The following ZNF385B variants were observed in gnomAD, a reference collection of about 807,000 sequenced individuals.
ZNF385B encodes zinc finger protein 385B.
A neutral mutation model predicts 39.2 loss-of-function variants in ZNF385B; 23 were observed. That is an observed-to-expected ratio of 0.59 (90% CI 0.42 to 0.83). The LOEUF is 0.83. Among genes scored for constraint, ZNF385B ranks in the 40% least tolerant of loss-of-function variants. The pLI is 0.00. For missense variants in ZNF385B, 552 were observed against 598.9 expected, an observed-to-expected ratio of 0.92 and a Z score of 0.82; for synonymous variants, 205 against 222.6, an observed-to-expected ratio of 0.92 and a Z score of 0.70.
chr2:179,487,684 G>A (rs147089517), intron 5 of ZNF385B, among the ~76,000 whole-genome samples: 203 of 152,254 alleles, frequency 1.3e-3, no homozygotes, highest in African/African-American at 4.7e-3. Context: ...TATACCCAAT[G>A]AGTAATTAGC....
chr2:179,470,761 T>C (rs1297832724), intron 6 of ZNF385B, among the ~76,000 whole-genome samples: 1 of 152,144 alleles, frequency 6.6e-6, no homozygotes, highest in East Asian at 1.9e-4. Context: ...TGTTCTGTCA[T>C]AAAAAAGGTA....
At chr2:179,782,421 C>A (rs1704723864) in intron 1 of ZNF385B, among the ~76,000 whole-genome samples, 1 of 152,084 alleles carries the variant, frequency 6.6e-6, no homozygotes, top group Admixed American at 6.6e-5. Context: ...TAAAAACCAG[C>A]ACAAGACAAG....
At chr2:179,604,520 G>A (rs555774272) in intron 3 of ZNF385B, among the ~76,000 whole-genome samples, 78 of 152,014 alleles carry the variant, frequency 5.1e-4, no homozygotes, top group African/African-American at 1.7e-3. Flanking sequence ...AATCATTTCT[G>A]CAATTTAAAA....
At chr2:179,772,342 C>T (rs1012850288) in intron 1 of ZNF385B, among the ~76,000 whole-genome samples, 4 of 152,140 alleles carry the variant, frequency 2.6e-5, no homozygotes, top group African/African-American at 9.7e-5. Flanking sequence ...AGTGGTCTCC[C>T]AAACCTCCAA....
chr2:179,608,659 G>A (rs569452176), intron 3 of ZNF385B, among the ~76,000 whole-genome samples: 147 of 152,162 alleles, frequency 9.7e-4, no homozygotes, highest in Middle Eastern at 3.4e-3. Context: ...AAATCACTCG[G>A]GGATATCATA....
intron 3 of ZNF385B, among the ~76,000 whole-genome samples, chr2:179,665,661 T>C (rs1695050240): frequency 6.6e-6 from 1 of 152,192 alleles, no homozygotes; most frequent in African/African-American, 2.4e-5. Context: ...TCAAAATAAT[T>C]GTATTATGTC....
At chr2:179,634,973 CA>C (rs66671134) in intron 3 of ZNF385B, among the ~76,000 whole-genome samples, 21,941 of 115,326 alleles carry the variant, frequency 0.19, 2,043 homozygotes, top group African/African-American at 0.31. Flanking sequence ...ACTAAAAATA[CA>C]AAAAAAAAAA....
intron 6 of ZNF385B, chr2:179,481,018 G>A (rs1367899112): frequency 6.6e-6 from 1 of 152,244 alleles, no homozygotes; most frequent in Non-Finnish European, 1.5e-5. Context: ...GAGAATGCAG[G>A]AAGAAAGACC....
At chr2:179,504,730 G>T (rs1054428768) in intron 5 of ZNF385B, among the ~76,000 whole-genome samples, 1 of 151,618 alleles carries the variant, frequency 6.6e-6, no homozygotes, top group Non-Finnish European at 1.5e-5. Context: ...AATGGGTGCA[G>T]CACACCAACA....
At chr2:179,807,516 G>GCCAAGCCTCCTGGCTCACAGTGAGCC (rs1706428394) in intron 1 of ZNF385B, among the ~76,000 whole-genome samples, 1 of 152,144 alleles carries the variant, frequency 6.6e-6, no homozygotes, top group South Asian at 2.1e-4. Flanking sequence ...CCAGGAGGCA[G>GCCAAGCCTCCTGGCTCACAGTGAGCC]AGGTTGCAGT....
At chr2:179,677,567 T>G (rs1697008020) in intron 3 of ZNF385B, among the ~76,000 whole-genome samples, 1 of 152,216 alleles carries the variant, frequency 6.6e-6, no homozygotes, top group Admixed American at 6.5e-5. Context: ...TGAGTTCTAG[T>G]GTTACAATGG....
chr2:179,718,685 T>C (rs1316437181), intron 3 of ZNF385B, among the ~76,000 whole-genome samples: 1 of 150,880 alleles, frequency 6.6e-6, no homozygotes, highest in African/African-American at 2.4e-5. Flanking sequence ...AATGACTCCT[T>C]CTACATATAT....
rs984503184 is a variant in ZNF385B, at chr2:179,544,967, T to C, written c.301A>G (p.Ser101Gly). ...ASPSSNSSTG[S>G]TCHTTTLPAL... ...GGAAGGGTAGTAGTGTGGCATGTAC[T>C]GCCTGCCAAGAACAAAACAAAAATG... The change falls in exon 4 of 10, where the codon AGT becomes GGT. Residue 101 changes from serine (S) to glycine (G), a missense_variant and splice_region_variant. Ser to Gly is a moderately conservative substitution (Grantham distance 56). Coordinates refer to ENST00000410066, the MANE Select transcript of ZNF385B (RefSeq NM_152520.6). 1.2e-6 allele frequency: 2 copies of C among 1,613,712 alleles called. No homozygotes were observed. Among genetic ancestry groups the C allele is most frequent in the African/African-American group, 1.3e-5 (1 of 74,918 alleles).
At position 179,781,344 on chromosome 2, in the gene ZNF385B, G is replaced by A. The variant is rs115705578; in HGVS notation, c.-154-10672C>T. Among the ~76,000 whole-genome samples the A allele has an allele frequency of 2.9e-3, 441 of 151,994 alleles. 2 individuals carry two copies. Among genetic ancestry groups the A allele is most frequent in the African/African-American group, 9.4e-3 (389 of 41,486 alleles). On this transcript the variant is annotated intron_variant, in intron 1 of 9. Transcript: ENST00000410066. ...AAGAGTCCAAACACACACACACACC[G>A]ACATACATATATTCACCTGATTTAT...
At chr2:179,577,307 A>G (rs1158751460) in intron 3 of ZNF385B, among the ~76,000 whole-genome samples, 1 of 152,176 alleles carries the variant, frequency 6.6e-6, no homozygotes, top group Non-Finnish European at 1.5e-5. Context: ...TTTTCCATTT[A>G]AAGCTACTTC....
intron 3 of ZNF385B, among the ~76,000 whole-genome samples, chr2:179,634,993 A>AAAAAAAAAAAT (rs1166340577): frequency 2.1e-5 from 3 of 140,478 alleles, no homozygotes; most frequent in Non-Finnish European, 3.1e-5. Context: ...AAAAAAAAAA[A>AAAAAAAAAAAT]TAGCCAGGCG....
At chr2:179,571,880 C>A (rs113023218) in intron 3 of ZNF385B, among the ~76,000 whole-genome samples, 8 of 152,176 alleles carry the variant, frequency 5.3e-5, no homozygotes, top group African/African-American at 1.9e-4. Flanking sequence ...TCTATGCCTT[C>A]CCTACCCCTC....
At chr2:179,498,640 G>A (rs1035204098) in intron 5 of ZNF385B, among the ~76,000 whole-genome samples, 1 of 151,908 alleles carries the variant, frequency 6.6e-6, no homozygotes, top group Non-Finnish European at 1.5e-5. Flanking sequence ...TGAAACAAAT[G>A]ATAATGGAAA....
At chr2:179,707,146 G>A (rs765085414) in intron 3 of ZNF385B, among the ~76,000 whole-genome samples, 43 of 152,314 alleles carry the variant, frequency 2.8e-4, no homozygotes, top group African/African-American at 9.1e-4. Flanking sequence ...AGACTTGCCC[G>A]CATCTAAAAG....
Sources: gnomAD v4.1 joint callset for allele counts (sites outside exome capture counted in the v4.1 genomes callset) on GRCh38, gnomAD v4.1.1 for gene constraint, MANE v1.5 for transcripts, NCBI Gene and HGNC (gene_info 2026-07-23, HGNC 2026-07-21) for gene names.